EVI5: variants seen among roughly 807,000 people sequenced by gnomAD.
EVI5 encodes ecotropic viral integration site 5.
In EVI5, 73 loss-of-function variants were observed where a neutral mutation model predicts 112.0. The ratio of observed to expected loss-of-function variants is 0.65; its 90% CI spans 0.54 to 0.79. EVI5 has a LOEUF of 0.79. Among genes scored for constraint, EVI5 ranks in the 30% least tolerant of loss-of-function variants. The pLI is 0.00. For synonymous variants in EVI5, 305 were observed against 319.9 expected, an observed-to-expected ratio of 0.95 and a Z score of 0.50; for missense variants, 900 against 968.8, an observed-to-expected ratio of 0.93 and a Z score of 0.94.
At chr1:92,774,450 G>A (rs1683850668) in intron 1 of EVI5, among the ~76,000 whole-genome samples, 1 of 152,146 alleles carries the variant, frequency 6.6e-6, no homozygotes. Context: ...AAAGACAACA[G>A]CAAATAATCA....
chr1:92,678,374 T>C (rs1331250456), intron 9 of EVI5, among the ~76,000 whole-genome samples: 1 of 151,876 alleles, frequency 6.6e-6, no homozygotes, highest in African/African-American at 2.4e-5. Context: ...CTACAAAAAA[T>C]ACAAAAATTA....
chr1:92,707,119 C>T (rs377387790), intron 2 of EVI5, among the ~76,000 whole-genome samples: 6 of 133,204 alleles, frequency 4.5e-5, no homozygotes, highest in African/African-American at 8.6e-5. Context: ...GCGGAGGTTG[C>T]GGTGAGCCGA....
upstream of EVI5, among the ~76,000 whole-genome samples, chr1:92,788,068 G>A (rs1197126124): frequency 6.6e-6 from 1 of 152,096 alleles, no homozygotes; most frequent in East Asian, 1.9e-4. Context: ...TTTCTGGGTG[G>A]TAAAAATGGT....
At chr1:92,716,151 T>C (rs553592050) in intron 2 of EVI5, among the ~76,000 whole-genome samples, 17 of 152,202 alleles carry the variant, frequency 1.1e-4, no homozygotes, top group Non-Finnish European at 1.9e-4. Context: ...ACAGACAGAC[T>C]GCCTCCTCAA....
intron 10 of EVI5, among the ~76,000 whole-genome samples, chr1:92,676,947 T>C (rs1293073502): frequency 6.6e-6 from 1 of 152,162 alleles, no homozygotes; most frequent in Non-Finnish European, 1.5e-5. Flanking sequence ...CACCAACAAA[T>C]CTAGAAAAAG....
intron 13 of EVI5, among the ~76,000 whole-genome samples, chr1:92,650,036 A>G (rs1661816500): frequency 6.6e-6 from 1 of 152,120 alleles, no homozygotes; most frequent in South Asian, 2.1e-4. Context: ...TATTCCATTA[A>G]TCTATGTGTC....
At chr1:92,696,133 T>A (rs983565790) in intron 6 of EVI5, among the ~76,000 whole-genome samples, 1 of 152,042 alleles carries the variant, frequency 6.6e-6, no homozygotes, top group Non-Finnish European at 1.5e-5. Flanking sequence ...GGTTTTGCCA[T>A]GTTGCCCAGG....
chr1:92,766,652 G>T (rs545321603), intron 1 of EVI5, among the ~76,000 whole-genome samples: 2 of 152,094 alleles, frequency 1.3e-5, no homozygotes, highest in Non-Finnish European at 2.9e-5. Context: ...CTATTTTAAT[G>T]CTAGCCATTT....
At chr1:92,750,888 C>T (rs559972624) in intron 1 of EVI5, among the ~76,000 whole-genome samples, 29 of 152,318 alleles carry the variant, frequency 1.9e-4, no homozygotes, top group African/African-American at 7.0e-4. Flanking sequence ...CGGTGGCTCA[C>T]GCCTGTAATC....
At chr1:92,642,879 A>C (rs1232126008) in intron 13 of EVI5, among the ~76,000 whole-genome samples, 1 of 152,214 alleles carries the variant, frequency 6.6e-6, no homozygotes, top group Admixed American at 6.5e-5. Context: ...CTTTTAACTC[A>C]AATTCCTCCT....
At chr1:92,637,725 GCA>G (rs1659177892) in intron 13 of EVI5, among the ~76,000 whole-genome samples, 1 of 151,958 alleles carries the variant, frequency 6.6e-6, no homozygotes, top group African/African-American at 2.4e-5. Flanking sequence ...CATGAATAAA[GCA>G]CAGTTATTTT....
At chr1:92,561,629 CTAT>C (rs1201293459) in intron 19 of EVI5, among the ~76,000 whole-genome samples, 5 of 145,544 alleles carry the variant, frequency 3.4e-5, no homozygotes, top group African/African-American at 7.7e-5. Flanking sequence ...ATCTATCTAT[CTAT>C]CTATCTATCT....
chr1:92,538,553 G>A (rs1212582768), intron 19 of EVI5, among the ~76,000 whole-genome samples: 2 of 152,178 alleles, frequency 1.3e-5, no homozygotes, highest in Non-Finnish European at 2.9e-5. Flanking sequence ...TGCACCTAGT[G>A]TTTAGGTGAC....
chr1:92,680,681 T>C (rs1257077855), intron 9 of EVI5, among the ~76,000 whole-genome samples: 1 of 152,106 alleles, frequency 6.6e-6, no homozygotes, highest in Admixed American at 6.5e-5. Context: ...CCAGCAAACA[T>C]CACCTTAATC....
intron 17 of EVI5, among the ~76,000 whole-genome samples, chr1:92,606,040 A>C (rs1044620765): frequency 6.6e-6 from 1 of 152,230 alleles, no homozygotes; most frequent in Non-Finnish European, 1.5e-5. Context: ...AAACCTGCAA[A>C]GGCATCACGA....
intron 2 of EVI5, among the ~76,000 whole-genome samples, chr1:92,729,617 C>G (rs747980701): frequency 1.3e-5 from 2 of 152,140 alleles, no homozygotes; most frequent in African/African-American, 2.4e-5. Flanking sequence ...GTCCTTAGAT[C>G]AAATGGTATA....
At chr1:92,702,537 G>A (rs558672829) in intron 4 of EVI5, among the ~76,000 whole-genome samples, 1 of 152,134 alleles carries the variant, frequency 6.6e-6, no homozygotes, top group South Asian at 2.1e-4. Flanking sequence ...TGGGCACAGT[G>A]GCTCATGCCT....
intron 18 of EVI5, among the ~76,000 whole-genome samples, chr1:92,599,418 T>C (rs866435111): frequency 6.6e-6 from 1 of 152,000 alleles, no homozygotes; most frequent in Non-Finnish European, 1.5e-5. Flanking sequence ...GATATTTCCA[T>C]GACTAAGAAA....
At chr1:92,710,778 C>G (rs909317125) in intron 2 of EVI5, among the ~76,000 whole-genome samples, 1 of 151,844 alleles carries the variant, frequency 6.6e-6, no homozygotes, top group Admixed American at 6.6e-5. Context: ...AATATACCAA[C>G]TGGACTCCAA....
Sources: allele counts gnomAD v4.1 joint callset (sites outside exome capture counted in the v4.1 genomes callset), GRCh38; gene constraint gnomAD v4.1.1; transcripts MANE v1.5; gene names NCBI Gene and HGNC (gene_info 2026-07-23, HGNC 2026-07-21).